The following METTL13 variants were observed in gnomAD, a reference collection of about 807,000 sequenced individuals.
METTL13 encodes the protein eEF1A lysine and N-terminal methyltransferase.
Under a neutral mutation model 67.4 loss-of-function variants are expected in METTL13, and 52 were observed. The ratio of observed to expected loss-of-function variants is 0.77; its 90% CI spans 0.62 to 0.97. The LOEUF is 0.97. Ranked by LOEUF, METTL13 falls within the 50% of genes least tolerant of loss-of-function variation. The pLI is 0.00. For missense variants in METTL13, 825 were observed against 889.6 expected (o/e 0.93, Z 0.92); for synonymous variants, 354 against 353.6 (o/e 1.00, Z -0.01).
intron 7 of METTL13, 133 bp from the exon 8 acceptor site, chr1:171,796,349 A>G (rs1232910769): frequency 9.3e-7 from 1 of 1,079,690 alleles, no homozygotes; most frequent in Non-Finnish European, 1.4e-6. Context: ...ATTCTCTGCA[A>G]ACTCATCACC....
intron 2 of METTL13, among the ~76,000 whole-genome samples, chr1:171,785,568 G>C (rs1208171044): frequency 1.3e-5 from 2 of 152,266 alleles, no homozygotes; most frequent in Non-Finnish European, 2.9e-5. Context: ...ATATATATTT[G>C]TCAACAGCTT....
At chr1:171,796,456 T>C (rs1347989155) in intron 7 of METTL13, 26 bp from the exon 8 acceptor site, 1 of 1,611,802 alleles carries the variant, frequency 6.2e-7, no homozygotes, top group African/African-American at 1.3e-5. Flanking sequence ...TGTGAGGTCA[T>C]TCTGACTTTT....
Position 171,785,852 on chromosome 1 carries a change from TC to T in METTL13, c.914-24del, listed in dbSNP as rs761819014. 7 of 1,608,536 alleles carry T rather than the reference TC, an allele frequency of 4.4e-6. No homozygotes were observed. The Admixed American group carries it at 5.0e-5, about 12-fold the overall frequency. On this transcript the variant is annotated intron_variant, in intron 2 of 7. Transcript: ENST00000361735. ...TGTGGGCTTGATCACTTTCCAGGAC[TC>T]CCTGTAACCAAGTTCTTTTTTCTAG...
rs1269986671 is a variant in METTL13, at chr1:171,781,735, C to T, written c.-233C>T. On this transcript the variant is annotated 5_prime_UTR_variant, in exon 1 of 8. Coordinates refer to ENST00000361735, the MANE Select transcript of METTL13 (RefSeq NM_015935.5). ...GGCTCTTCACGTGGGGAAGGAACAGCAGGCGCGGAGGAGGGGGCAAGCGTG... is the reference window on the plus strand; with the variant it reads ...GGCTCTTCACGTGGGGAAGGAACAGTAGGCGCGGAGGAGGGGGCAAGCGTG... 2 of 1,317,366 alleles carry T rather than the reference C, an allele frequency of 1.5e-6. No individual in the cohort carries two copies. Among genetic ancestry groups the T allele is most frequent in the Non-Finnish European group, 2.0e-6 (2 of 1,024,154 alleles). 81.6% of individuals were successfully genotyped at this position (1,317,366 alleles called of 1,614,324 possible).
rs188650047 is a variant in METTL13, at chr1:171,788,562, C to T, written c.1309+632C>T. Among the ~76,000 whole-genome samples, 3 of 110,272 alleles carry T rather than the reference C, an allele frequency of 2.7e-5. No individual in the cohort carries two copies. The East Asian group carries it at 7.7e-4, about 28-fold the overall frequency. 72.3% of individuals were successfully genotyped at this position (110,272 alleles called of 152,430 possible). A position where few individuals can be genotyped will look rare whatever the true frequency, so the allele number is the denominator to read the frequency against. The stretch of plus-strand genomic sequence containing the variant: ...TAGTATTGGACAGTGTAGATCTAAA[C>T]CATCTCTTCTAGGATCCCTTTAAGT... On this transcript the variant is annotated intron_variant, in intron 4 of 7. Coordinates refer to ENST00000361735, the MANE Select transcript of METTL13 (RefSeq NM_015935.5).
Position 171,783,762 on chromosome 1 carries a change from A to T in METTL13, c.176A>T (p.Asn59Ile). 6.2e-7 allele frequency: 1 copy of T among 1,610,962 alleles called. No homozygotes were observed. Among genetic ancestry groups the T allele is most frequent in the Admixed American group, 1.7e-5 (1 of 59,946 alleles). Reference protein sequence around the residue: ...REKVLVIGCGNSELSEQLYDV... With the variant: ...REKVLVIGCGISELSEQLYDV... The stretch of plus-strand genomic sequence containing the variant: ...CAGGTGCTGGTGATTGGGTGTGGCA[A>T]CTCAGAACTGAGTGAGCAACTGTAT... The change falls in exon 2 of 8, where the codon AAC becomes ATC. Residue 59 changes from asparagine to isoleucine, a missense_variant. Asn to Ile is a moderately radical substitution (Grantham distance 149, BLOSUM62 -3). Coordinates refer to ENST00000361735, the MANE Select transcript of METTL13 (RefSeq NM_015935.5).
At position 171,784,496 on chromosome 1, in the gene METTL13, A is replaced by G. The variant is rs766764881; in HGVS notation, c.910A>G (p.Ile304Val). The change falls in exon 2 of 8, where the codon ATC becomes GTC. Residue 304 changes from isoleucine (I) to valine (V), a missense_variant. Coordinates refer to ENST00000361735, the MANE Select transcript of METTL13 (RefSeq NM_015935.5). ...GCGGGACAATCATTTTGCGATTTTC[A>G]TCAGTGAGTTGGGATTGCTCCCTCT... ...PSRDNHFAIF[I>V]IPQGRETEWL... The G allele has an allele frequency of 6.7e-7, 1 of 1,502,130 alleles. No homozygotes were observed. The highest frequency in any genetic ancestry group is 8.9e-7 in the Non-Finnish European group (1 of 1,126,968). The allele number at this position is 1,502,130 out of a possible 1,614,324, so 93.1% of individuals were successfully genotyped here. A position where few individuals can be genotyped will look rare whatever the true frequency, so the allele number is the denominator to read the frequency against.
intron 7 of METTL13, among the ~76,000 whole-genome samples, chr1:171,795,009 A>T (rs1657321871): frequency 6.6e-6 from 1 of 152,040 alleles, no homozygotes; most frequent in Non-Finnish European, 1.5e-5. Flanking sequence ...TATTTTTTGT[A>T]GAGATAGGAT....
At chr1:171,794,553 G>A (rs1312823944) in intron 7 of METTL13, 26 bp downstream of exon 7, 1 of 1,613,570 alleles carries the variant, frequency 6.2e-7, no homozygotes, top group Non-Finnish European at 8.5e-7. Flanking sequence ...GGTGGGAGAG[G>A]GAGGAGAGAA....
Position 171,781,758 on chromosome 1 carries a change from G to C in METTL13, c.-210G>C. The C allele has an allele frequency of 7.2e-7, 1 of 1,380,136 alleles. No individual in the cohort carries two copies. Among genetic ancestry groups the C allele is most frequent in the Non-Finnish European group, 9.4e-7 (1 of 1,064,934 alleles). The allele number at this position is 1,380,136 out of a possible 1,614,324, so 85.5% of individuals were successfully genotyped here. A position where few individuals can be genotyped will look rare whatever the true frequency, so the allele number is the denominator to read the frequency against. On this transcript the variant is annotated 5_prime_UTR_variant, in exon 1 of 8. Coordinates refer to ENST00000361735, the MANE Select transcript of METTL13 (RefSeq NM_015935.5). ...AGCAGGCGCGGAGGAGGGGGCAAGC[G>C]TGTGTGAGATTCAGTGGTCCATGCG...
rs1571171901 is a variant in METTL13 at position 171,794,318 on chromosome 1, G to A, written c.1694-78G>A. On this transcript the variant is annotated intron_variant, in intron 6 of 7. Transcript: ENST00000361735. ...AGTCACCATGCCCACCACTGGTAAA[G>A]AGGAGGTATAGTGTTGGAATGTAAA... The A allele has an allele frequency of 1.2e-5, 19 of 1,589,534 alleles. No individual in the cohort carries two copies. The South Asian group carries it at 2.0e-4, about 17-fold the overall frequency.
intron 1 of METTL13, 76 bp from the exon 2 acceptor site, chr1:171,783,664 C>T: frequency 2.6e-6 from 4 of 1,509,786 alleles, no homozygotes; most frequent in Admixed American, 2.1e-5. Flanking sequence ...CAAGGTGAGA[C>T]TTGATTCCTT....
chr1:171,784,162 G>A lies in METTL13; in HGVS notation c.576G>A (p.Gln192=), dbSNP rs150628966. Residue 192 remains glutamine (Q), a synonymous_variant, in exon 2 of 8, where the codon CAG becomes CAA. Transcript: ENST00000361735. ...ACCAAGTGGCCAACAGCCAGGACCA[G>A]GTGTTGGAAGCAGAGCCTCAGTTCT... ...RVHQVANSQD[Q]VLEAEPQFSL... 6.2e-7 allele frequency: 1 copy of A among 1,614,250 alleles called. No individual in the cohort carries two copies. Among genetic ancestry groups the A allele is most frequent in the East Asian group, 2.2e-5 (1 of 44,886 alleles).
At chr1:171,785,400 G>A (rs929224724) in intron 2 of METTL13, among the ~76,000 whole-genome samples, 3 of 152,174 alleles carry the variant, frequency 2.0e-5, no homozygotes, top group Non-Finnish European at 4.4e-5. Context: ...CGTGGGTAGA[G>A]TCTGGGGCTA....
At chr1:171,788,202 A>G (rs1031701999) in intron 4 of METTL13, among the ~76,000 whole-genome samples, 5 of 152,264 alleles carry the variant, frequency 3.3e-5, no homozygotes, top group African/African-American at 1.2e-4. Context: ...CAGGTGCTCC[A>G]TATACATCTG....
chr1:171,784,104 A>G lies in METTL13; in HGVS notation c.518A>G (p.His173Arg), dbSNP rs1309904691. The G allele has an allele frequency of 1.2e-6, 2 of 1,614,084 alleles. No homozygotes were observed. The highest frequency in any genetic ancestry group is 4.5e-5 in the East Asian group (2 of 44,894). Reference sequence around the variant, plus strand: ...CACATCCTGAAGAAAGCAGTGGGCCACTTCTCCCGGGAGGGGTGGATGGTG... The same window carrying G: ...CACATCCTGAAGAAAGCAGTGGGCCGCTTCTCCCGGGAGGGGTGGATGGTG... ...QAHILKKAVG[H>R]FSREGWMVRV... Residue 173 changes from histidine to arginine, a missense_variant, in exon 2 of 8, where the codon CAC becomes CGC. His to Arg is a conservative substitution (Grantham distance 29). Transcript: ENST00000361735.
chr1:171,787,941 A>G lies in METTL13; in HGVS notation c.1309+11A>G, dbSNP rs774967349. On this transcript the variant is annotated intron_variant, in intron 4 of 7. Transcript: ENST00000361735. ...ATGTGTCTCACAAAGGTGAGGTGTC[A>G]TAGGCACAGTGGTGGGACCCAAGTG... The G allele has an allele frequency of 6.2e-7, 1 of 1,612,444 alleles. No individual in the cohort carries two copies. Among genetic ancestry groups the G allele is most frequent in the Non-Finnish European group, 8.5e-7 (1 of 1,179,588 alleles).
chr1:171,786,187 C>A, intron 3 of METTL13, 109 bp downstream of exon 3: 1 of 1,204,896 alleles, frequency 8.3e-7, no homozygotes, highest in Non-Finnish European at 1.1e-6. Flanking sequence ...GACTCTTCAT[C>A]TAATCCTGGA....
chr1:171,785,823 T>G, intron 2 of METTL13, 56 bp from the exon 3 acceptor site: 2 of 1,579,416 alleles, frequency 1.3e-6, no homozygotes, highest in South Asian at 2.3e-5. Flanking sequence ...TGGGCCATAT[T>G]GGTTGTGGGC....
Sources: gnomAD v4.1 joint callset for allele counts (sites outside exome capture counted in the v4.1 genomes callset) on GRCh38, gnomAD v4.1.1 for gene constraint, MANE v1.5 for transcripts, NCBI Gene and HGNC (gene_info 2026-07-23, HGNC 2026-07-21) for gene names.